CADPS: variants seen among roughly 807,000 people sequenced by gnomAD.
CADPS encodes calcium dependent secretion activator, also known as calcium-dependent secretion activator 1.
Under a neutral mutation model 167.3 loss-of-function variants are expected in CADPS, and 57 were observed. The observed-to-expected ratio is 0.34, with a 90% CI of 0.28 to 0.42. CADPS has a LOEUF of 0.42. CADPS is among the 20% of genes least tolerant of loss of function. CADPS has a pLI of 1.00. For synonymous variants in CADPS, 676 were observed against 635.3 expected (o/e 1.06, Z -0.96); for missense variants, 1,414 against 1,738.1 (o/e 0.81, Z 3.32).
In CADPS at chr3:62,577,301, A is replaced by G. The variant is rs538200033; in HGVS notation, c.1578-6363T>C. Among the ~76,000 whole-genome samples, 3 of 152,292 alleles carry G rather than the reference A, an allele frequency of 2.0e-5. No homozygotes were observed. The South Asian group carries it at 6.2e-4, about 32-fold the overall frequency. ...TTTTTATTAAATATCTACTCTTGGAATTTTCAAGTATACAATGTATTGTTA... is the reference window on the plus strand; with the variant it reads ...TTTTTATTAAATATCTACTCTTGGAGTTTTCAAGTATACAATGTATTGTTA... On this transcript the variant is annotated intron_variant, in intron 8 of 29. Transcript: ENST00000383710.
chr3:62,735,873 G>A (rs554067760), intron 3 of CADPS, among the ~76,000 whole-genome samples: 13 of 152,286 alleles, frequency 8.5e-5, no homozygotes, highest in Middle Eastern at 3.4e-3. Context: ...TGAAATTGAA[G>A]AACTACTAGC....
intron 3 of CADPS, among the ~76,000 whole-genome samples, chr3:62,719,028 T>C (rs143611500): frequency 1.6e-3 from 251 of 152,336 alleles, no homozygotes; most frequent in African/African-American, 5.5e-3. Context: ...ACACAGGGAC[T>C]CCTTTGTGCA....
chr3:62,544,804 TA>T lies in CADPS; in HGVS notation c.1966+5098del. On this transcript the variant is annotated intron_variant, in intron 11 of 29. Transcript: ENST00000383710. This position sits in a 1 kb window ranked among gnomAD's most constrained non-coding sequence, Gnocchi z 4.4. ...AGCACATTGCAGGTGTCAGATAATC[TA>T]ATCTGATTATCTGAGCTGTGCTAGC... The T allele has an allele frequency of 9.3e-7, 1 of 1,072,016 alleles. No homozygotes were observed. The highest frequency in any genetic ancestry group is 1.2e-6 in the Non-Finnish European group (1 of 852,460). The allele number at this position is 1,072,016 out of a possible 1,614,324, so 66.4% of individuals were successfully genotyped here.
In CADPS at chr3:62,431,083, T is replaced by G. The variant is rs1268004194; in HGVS notation, c.3777+7021A>C. Among the ~76,000 whole-genome samples, 7 of 152,278 alleles carry G rather than the reference T, an allele frequency of 4.6e-5. No individual in the cohort carries two copies. The South Asian group carries it at 1.0e-3, about 23-fold the overall frequency. ...GATGAGGTCACAGTTCAATTAAAAT[T>G]TGATCTAAAGAGTATGGAAAAGCTC... is the stretch of plus-strand genomic sequence containing the variant. On this transcript the variant is annotated intron_variant, in intron 28 of 29. Transcript: ENST00000383710.
At chr3:62,635,929 A>T (rs1336566768) in intron 6 of CADPS, among the ~76,000 whole-genome samples, 8 of 152,136 alleles carry the variant, frequency 5.3e-5, no homozygotes, top group Non-Finnish European at 1.2e-4. Flanking sequence ...TTTTTTTCCA[A>T]GTACAAGTAA....
chr3:62,629,337 A>T (rs1416480238), intron 6 of CADPS, among the ~76,000 whole-genome samples: 6 of 152,046 alleles, frequency 3.9e-5, no homozygotes, highest in Admixed American at 3.9e-4. Flanking sequence ...GCCTCCATAG[A>T]TTTGCATTTT....
intron 16 of CADPS, 147 bp downstream of exon 16, chr3:62,515,912 A>C (rs772013076): frequency 9.1e-6 from 8 of 875,566 alleles, no homozygotes; most frequent in African/African-American, 1.7e-5. Context: ...AGCCAAGGAA[A>C]CTTCGACATT....
intron 3 of CADPS, among the ~76,000 whole-genome samples, chr3:62,683,235 G>A (rs2077434837): frequency 6.6e-6 from 1 of 151,958 alleles, no homozygotes; most frequent in Admixed American, 6.6e-5. Context: ...GAGACATATT[G>A]GGAGGAGGGA....
chr3:62,858,404 T>C (rs2080112349), intron 1 of CADPS, among the ~76,000 whole-genome samples: 1 of 152,120 alleles, frequency 6.6e-6, no homozygotes, highest in Admixed American at 6.6e-5. Flanking sequence ...ATACAAGTCC[T>C]CCACTTTGGT....
At chr3:62,827,413 AC>A (rs1454618910) in intron 1 of CADPS, among the ~76,000 whole-genome samples, 1 of 151,992 alleles carries the variant, frequency 6.6e-6, no homozygotes, top group Non-Finnish European at 1.5e-5. Context: ...AACCCTTATA[AC>A]CCCCATGAGG....
At chr3:62,770,421 TTTTG>T (rs201649091) in intron 1 of CADPS, among the ~76,000 whole-genome samples, 2,226 of 152,218 alleles carry the variant, frequency 0.015, 19 homozygotes, top group Non-Finnish European at 0.024. Context: ...GGAATTCCTT[TTTTG>T]TTTGTTTGTT....
Position 62,399,610 on chromosome 3 carries a change from T to C in CADPS, c.3883-25A>G, listed in dbSNP as rs1007711656. The C allele has an allele frequency of 3.2e-6, 5 of 1,571,814 alleles. No homozygotes were observed. Among genetic ancestry groups the C allele is most frequent in the Non-Finnish European group, 4.4e-6 (5 of 1,143,658 alleles). The stretch of plus-strand genomic sequence containing the variant: ...TCTAAGGAAGGAAAAGATACAGTGA[T>C]AAGAGAGATCTCATCTCCATGATGG... On this transcript the variant is annotated intron_variant, in intron 29 of 29. Coordinates refer to ENST00000383710, the MANE Select transcript of CADPS (RefSeq NM_003716.4). This position sits in a 1 kb window ranked among gnomAD's most constrained non-coding sequence, Gnocchi z 5.6.
Position 62,412,308 on chromosome 3 carries a change from C to T in CADPS, c.3778-9123G>A, listed in dbSNP as rs1232611143. 1.9e-4 allele frequency among the ~76,000 whole-genome samples: 13 copies of T among 69,666 alleles called. No homozygotes were observed. The highest frequency in any genetic ancestry group is 1.8e-3 in the Admixed American group (12 of 6,764). 45.7% of individuals were successfully genotyped at this position (69,666 alleles called of 152,430 possible). A position where few individuals can be genotyped will look rare whatever the true frequency, so the allele number is the denominator to read the frequency against. ...GACTCACTGACGGAGGAGTCTGAGA[C>T]AACGTGCTACAACCAGTTTCAGAGA... is the stretch of plus-strand genomic sequence containing the variant. On this transcript the variant is annotated intron_variant, in intron 28 of 29. Transcript: ENST00000383710. This position sits in a 1 kb window ranked among gnomAD's most constrained non-coding sequence, Gnocchi z 4.1.
intron 13 of CADPS, among the ~76,000 whole-genome samples, chr3:62,522,376 G>T (rs1446573607): frequency 6.6e-6 from 1 of 151,954 alleles, no homozygotes; most frequent in Non-Finnish European, 1.5e-5. Flanking sequence ...TGGGCTCAAG[G>T]GATCCTCCCA....
In CADPS at chr3:62,604,380, T is replaced by C. The variant is rs542587737; in HGVS notation, c.1326-11632A>G. Among the ~76,000 whole-genome samples the C allele has an allele frequency of 8.5e-5, 13 of 152,310 alleles. No homozygotes were observed. The South Asian group carries it at 2.5e-3, about 29-fold the overall frequency. On this transcript the variant is annotated intron_variant, in intron 6 of 29. Coordinates refer to ENST00000383710, the MANE Select transcript of CADPS (RefSeq NM_003716.4). The stretch of plus-strand genomic sequence containing the variant: ...ATTTTCAGTTTGTTCAGCGTTTTTC[T>C]TGTGGTGAGGACAGGAACAATGACT...
intron 1 of CADPS, among the ~76,000 whole-genome samples, chr3:62,774,991 C>T (rs2089909449): frequency 6.6e-6 from 1 of 151,912 alleles, no homozygotes; most frequent in Admixed American, 6.6e-5. Context: ...ATCTGTCTTG[C>T]TATTTGAATG....
chr3:62,854,905 A>G (rs886247814), intron 1 of CADPS, among the ~76,000 whole-genome samples: 2 of 151,990 alleles, frequency 1.3e-5, no homozygotes, highest in African/African-American at 4.8e-5. Flanking sequence ...TATGTATTCA[A>G]TACAAAATAT....
chr3:62,710,803 C>A (rs1422477895), intron 3 of CADPS, among the ~76,000 whole-genome samples: 1 of 152,178 alleles, frequency 6.6e-6, no homozygotes, highest in East Asian at 1.9e-4. Flanking sequence ...TAAGATTAAT[C>A]TTAATTAAAT....
At chr3:62,698,731 C>CTTTTTTTTTTT (rs201324385) in intron 3 of CADPS, among the ~76,000 whole-genome samples, 3 of 67,212 alleles carry the variant, frequency 4.5e-5, no homozygotes, top group African/African-American at 1.2e-4. Flanking sequence ...TCCCCACTTC[C>CTTTTTTTTTTT]TTTTTTTTTT....
Sources: gnomAD v4.1 joint callset for allele counts (sites outside exome capture counted in the v4.1 genomes callset) on GRCh38, gnomAD v4.1.1 for gene constraint, Gnocchi (gnomAD v3.1) non-coding constraint, MANE v1.5 for transcripts, NCBI Gene and HGNC (gene_info 2026-07-23, HGNC 2026-07-21) for gene names.